The following GAN variants were observed in gnomAD, a reference collection of about 807,000 sequenced individuals.
The protein encoded by GAN is epididymis secretory sperm binding protein.
Under a neutral mutation model 71.3 loss-of-function variants are expected in GAN, and 48 were observed. That is an observed-to-expected ratio of 0.67 (90% confidence interval 0.53 to 0.86). GAN has a LOEUF of 0.86. Among genes scored for constraint, GAN ranks in the 40% least tolerant of loss-of-function variants. The pLI, the probability that GAN is intolerant of heterozygous loss-of-function variation, is 0.00. For synonymous variants in GAN, 386 were observed against 276.8 expected (o/e 1.39, Z -3.92); for missense variants, 928 against 770.1 (o/e 1.21, Z -2.43).
At chr16:81,329,733 G>A (rs1909510154) in intron 1 of GAN, among the ~76,000 whole-genome samples, 1 of 152,142 alleles carries the variant, frequency 6.6e-6, no homozygotes, top group Non-Finnish European at 1.5e-5. Flanking sequence ...CTCACAGCCT[G>A]TTTTTCTGGC....
rs888895698 is a variant in GAN, at chr16:81,385,314, C to T, written c.*7718C>T. ...AAAGGCTTATTCCTTTAACTTAAAC[C>T]CCAAACTTTGTTATTTTAATTATTT... On this transcript the variant is annotated 3_prime_UTR_variant, in exon 11 of 11. Transcript: ENST00000648994. 1 of 152,128 alleles carries T rather than the reference C, an allele frequency of 6.6e-6. No individual in the cohort carries two copies. Among genetic ancestry groups the T allele is most frequent in the African/African-American group, 2.4e-5 (1 of 41,412 alleles). The allele number at this position is 152,128 out of a possible 1,614,324, so 9.4% of individuals were successfully genotyped here. A position where few individuals can be genotyped will look rare whatever the true frequency, so the allele number is the denominator to read the frequency against.
At chr16:81,318,777 T>G (rs569860423) in intron 1 of GAN, among the ~76,000 whole-genome samples, 11 of 152,332 alleles carry the variant, frequency 7.2e-5, no homozygotes, top group African/African-American at 2.6e-4. Flanking sequence ...AAAACTCAGC[T>G]TTGGCAACAC....
rs980975991 is a variant in GAN, at chr16:81,315,119, T to G, written c.6T>G (p.Ala2=). 2 of 1,502,812 alleles carry G rather than the reference T, an allele frequency of 1.3e-6. No homozygotes were observed. Among genetic ancestry groups the G allele is most frequent in the Non-Finnish European group, 8.9e-7 (1 of 1,124,508 alleles). The allele number at this position is 1,502,812 out of a possible 1,614,324, so 93.1% of individuals were successfully genotyped here. Residue 2 remains alanine, a synonymous_variant, in exon 1 of 11, where the codon GCT becomes GCG. Coordinates refer to ENST00000648994, the MANE Select transcript of GAN (RefSeq NM_022041.4). Reference sequence around the variant, plus strand: ...GCAGAGGAGCGGGCGCCGCGATGGCTGAGGGCAGTGCCGTGTCTGACCCTC... The same window carrying G: ...GCAGAGGAGCGGGCGCCGCGATGGCGGAGGGCAGTGCCGTGTCTGACCCTC... M[A]EGSAVSDPQH... is the part of the protein sequence containing the mutation.
chr16:81,328,490 T>C (rs932321347), intron 1 of GAN, among the ~76,000 whole-genome samples: 1 of 152,224 alleles, frequency 6.6e-6, no homozygotes, highest in African/African-American at 2.4e-5. Context: ...AAAAAGAGTT[T>C]GGGTTCTTTT....
intron 1 of GAN, among the ~76,000 whole-genome samples, chr16:81,333,676 C>T (rs182323081): frequency 6.6e-6 from 1 of 152,260 alleles, no homozygotes; most frequent in East Asian, 1.9e-4. Flanking sequence ...TTGTCAGTTC[C>T]TCAAGGATGG....
At chr16:81,366,721 G>A (rs1051950151) in intron 9 of GAN, among the ~76,000 whole-genome samples, 4 of 152,178 alleles carry the variant, frequency 2.6e-5, no homozygotes, top group African/African-American at 7.2e-5. Flanking sequence ...GAGCAGTTTA[G>A]AGAATACTTG....
rs943462487 is a variant in GAN, at chr16:81,386,332, A to G, written c.*8736A>G. The G allele has an allele frequency of 1.3e-5, 2 of 152,228 alleles. No individual in the cohort carries two copies. Among genetic ancestry groups the G allele is most frequent in the East Asian group, 1.9e-4 (1 of 5,200 alleles). 9.4% of individuals were successfully genotyped at this position (152,228 alleles called of 1,614,324 possible). On this transcript the variant is annotated 3_prime_UTR_variant, in exon 11 of 11. Transcript: ENST00000648994. ...AATTCCTAGATCTCTGTTTTAGACCAGTAGACCTAACTGTGCTTTCTTAAC... is the reference window on the plus strand; with the variant it reads ...AATTCCTAGATCTCTGTTTTAGACCGGTAGACCTAACTGTGCTTTCTTAAC...
At chr16:81,367,176 G>C (rs573822600) in intron 9 of GAN, among the ~76,000 whole-genome samples, 1 of 152,238 alleles carries the variant, frequency 6.6e-6, no homozygotes, top group Admixed American at 6.5e-5. Context: ...ACTATCACTT[G>C]CTTTAAGTTC....
At chr16:81,357,620 C>G (rs1044253278) in intron 4 of GAN, among the ~76,000 whole-genome samples, 190 bp from the exon 5 acceptor site, 3 of 152,050 alleles carry the variant, frequency 2.0e-5, no homozygotes, top group African/African-American at 7.2e-5. Context: ...GGGTATATAC[C>G]CAGTAATGGG....
Position 81,357,551 on chromosome 16 carries a change from G to C in GAN, c.852-259G>C, listed in dbSNP as rs147939587. ...TTCCAAGTCTTTGCTATTGTGAATA[G>C]TGCCGCAATAAACATACGTGTGCAT... On this transcript the variant is annotated intron_variant, in intron 4 of 10. Coordinates refer to ENST00000648994, the MANE Select transcript of GAN (RefSeq NM_022041.4). Among the ~76,000 whole-genome samples the C allele has an allele frequency of 4.5e-3, 689 of 152,210 alleles. 16 individuals are homozygous for C. In the East Asian group the frequency reaches 0.054, roughly 12 times the overall value.
chr16:81,363,735 A>G, intron 6 of GAN, 59 bp from the exon 7 acceptor site: 1 of 1,532,148 alleles, frequency 6.5e-7, no homozygotes, highest in Non-Finnish European at 9.0e-7. Flanking sequence ...GTGTATGAAT[A>G]TCAGCTTTCA....
chr16:81,339,579 A>G (rs1460096354), intron 1 of GAN, among the ~76,000 whole-genome samples: 1 of 152,258 alleles, frequency 6.6e-6, no homozygotes, highest in African/African-American at 2.4e-5. Context: ...GGAGTTTACT[A>G]AAGGAAATAG....
Position 81,358,560 on chromosome 16 carries a change from G to C in GAN, c.973+629G>C, listed in dbSNP as rs76158736. On this transcript the variant is annotated intron_variant, in intron 5 of 10. Transcript: ENST00000648994. ...GGAGATCGAGACTGCTGTGAGCCAA[G>C]ATCACACCACTGCATTCCAGCCTGG... Among the ~76,000 whole-genome samples, 1,061 of 151,380 alleles carry C rather than the reference G, an allele frequency of 7.0e-3. 5 individuals carry two copies. The highest frequency in any genetic ancestry group is 0.021 in the Middle Eastern group (6 of 292).
At chr16:81,360,091 G>T (rs999867300) in intron 5 of GAN, among the ~76,000 whole-genome samples, 9 of 151,414 alleles carry the variant, frequency 5.9e-5, no homozygotes, top group Admixed American at 4.6e-4. Context: ...AGACAGATAG[G>T]TAGATAGATG....
intron 10 of GAN, 35 bp downstream of exon 10, chr16:81,377,363 T>C (rs772786417): frequency 1.9e-6 from 3 of 1,591,872 alleles, no homozygotes; most frequent in Non-Finnish European, 2.6e-6. Context: ...TGGAACTGTT[T>C]CCTGGTGATT....
At position 81,390,453 on chromosome 16, in the gene GAN, T is replaced by G. The variant is rs925993490; in HGVS notation, c.*12857T>G. ...GCAAAAAGGATTTGTTAACCTAAAT[T>G]AAGTAGCACGCACTTTGTTTACATG... On this transcript the variant is annotated 3_prime_UTR_variant, in exon 11 of 11. Coordinates refer to ENST00000648994, the MANE Select transcript of GAN (RefSeq NM_022041.4). 6 of 152,252 alleles carry G rather than the reference T, an allele frequency of 3.9e-5. No homozygotes were observed. The highest frequency in any genetic ancestry group is 1.2e-4 in the African/African-American group (5 of 41,452). The allele number at this position is 152,252 out of a possible 1,614,324, so 9.4% of individuals were successfully genotyped here.
intron 9 of GAN, among the ~76,000 whole-genome samples, chr16:81,369,209 C>G (rs961530379): frequency 2.6e-5 from 4 of 152,174 alleles, no homozygotes; most frequent in African/African-American, 9.7e-5. Context: ...TGACAACTGG[C>G]AAAATCACCA....
intron 6 of GAN, among the ~76,000 whole-genome samples, chr16:81,362,939 C>T (rs184732540): frequency 2.6e-5 from 4 of 152,322 alleles, no homozygotes; most frequent in East Asian, 1.9e-4. Context: ...TTCCTGTCCC[C>T]GTCTTCGTAC....
chr16:81,315,764 C>G (rs1396027096), intron 1 of GAN, among the ~76,000 whole-genome samples: 1 of 152,248 alleles, frequency 6.6e-6, no homozygotes, highest in African/African-American at 2.4e-5. Flanking sequence ...GGGGGCTGGG[C>G]CGGCGCCGCC....
Sources: allele counts gnomAD v4.1 joint callset (sites outside exome capture counted in the v4.1 genomes callset), GRCh38; gene constraint gnomAD v4.1.1; transcripts MANE v1.5; gene names NCBI Gene and HGNC (gene_info 2026-07-23, HGNC 2026-07-21).